The following DOK6 variants were observed in gnomAD, a reference collection of about 807,000 sequenced individuals.
The protein encoded by DOK6 is downstream of tyrosine kinase 6.
DOK6 carries 22 observed loss-of-function variants against 44.0 expected under a neutral mutation model. The observed-to-expected ratio is 0.50, with a 90% CI of 0.36 to 0.71. The LOEUF is 0.71. Among genes scored for constraint, DOK6 ranks in the 30% least tolerant of loss-of-function variants. The probability of loss-of-function intolerance (pLI) is 0.00; values close to 1 mark genes in which losing one functional copy is unlikely to be tolerated. For missense variants in DOK6, 340 were observed against 416.4 expected, an observed-to-expected ratio of 0.82 and a Z score of 1.60; for synonymous variants, 166 against 145.5, an observed-to-expected ratio of 1.14 and a Z score of -1.01.
At chr18:69,433,817 A>C (rs1387794034) in intron 1 of DOK6, among the ~76,000 whole-genome samples, 1 of 152,234 alleles carries the variant, frequency 6.6e-6, no homozygotes, top group African/African-American at 2.4e-5. Flanking sequence ...AATAGAGAGC[A>C]CAAATATAGA....
intron 7 of DOK6, among the ~76,000 whole-genome samples, chr18:69,787,779 T>C (rs957497775): frequency 6.6e-6 from 1 of 152,206 alleles, no homozygotes; most frequent in Non-Finnish European, 1.5e-5. Context: ...TGTGCTTCTC[T>C]AGAGCCTGGG....
At chr18:69,555,516 T>A (rs1447805328) in intron 1 of DOK6, among the ~76,000 whole-genome samples, 1 of 152,232 alleles carries the variant, frequency 6.6e-6, no homozygotes, top group Non-Finnish European at 1.5e-5. Flanking sequence ...TTCCATTGTT[T>A]TGAAGTGCTC....
chr18:69,734,885 T>C (rs1978551026), intron 5 of DOK6, among the ~76,000 whole-genome samples: 1 of 152,128 alleles, frequency 6.6e-6, no homozygotes, highest in African/African-American at 2.4e-5. Context: ...AAGAGTGGCA[T>C]TTCAAAGTCA....
chr18:69,564,663 G>T, intron 2 of DOK6, 69 bp downstream of exon 2: 1 of 1,279,964 alleles, frequency 7.8e-7, no homozygotes, highest in Non-Finnish European at 1.1e-6. Flanking sequence ...ATATTTCTTT[G>T]ATAAATGAAA....
chr18:69,617,606 A>C (rs1230237039), intron 3 of DOK6, among the ~76,000 whole-genome samples: 4 of 149,960 alleles, frequency 2.7e-5, no homozygotes, highest in Admixed American at 2.7e-4. Flanking sequence ...AGACTGAGCG[A>C]TAGGAGAAAA....
chr18:69,415,817 G>A (rs555013215), intron 1 of DOK6, among the ~76,000 whole-genome samples: 94 of 152,086 alleles, frequency 6.2e-4, no homozygotes, highest in African/African-American at 2.1e-3. Context: ...TCAACCTTAC[G>A]ATTCATATAT....
At chr18:69,527,884 C>T (rs900797507) in intron 1 of DOK6, among the ~76,000 whole-genome samples, 37 of 152,064 alleles carry the variant, frequency 2.4e-4, no homozygotes, top group Middle Eastern at 3.4e-3. Context: ...TTCACCTGGC[C>T]GGGTGCGGTG....
Position 69,512,137 on chromosome 18 carries a change from G to A in DOK6, c.67-52350G>A, listed in dbSNP as rs748092324. On this transcript the variant is annotated intron_variant, in intron 1 of 7. Transcript: ENST00000382713. ...TAGGTTTAAAATATATTTTATTTTTGTGGAAATTATATTCCATATTTGCAG... is the reference window on the plus strand; with the variant it reads ...TAGGTTTAAAATATATTTTATTTTTATGGAAATTATATTCCATATTTGCAG... 4.3e-5 allele frequency among the ~76,000 whole-genome samples: 6 copies of A among 140,338 alleles called. No homozygotes were observed. The Admixed American group carries it at 4.6e-4, about 11-fold the overall frequency. 92.1% of individuals were successfully genotyped at this position (140,338 alleles called of 152,430 possible).
At chr18:69,609,050 CAAG>C (rs1401109493) in intron 3 of DOK6, among the ~76,000 whole-genome samples, 3 of 151,490 alleles carry the variant, frequency 2.0e-5, no homozygotes, top group Non-Finnish European at 4.4e-5. Flanking sequence ...TGTAAAACTC[CAAG>C]AAGAAAACTT....
At chr18:69,783,252 A>G (rs1298869811) in intron 7 of DOK6, among the ~76,000 whole-genome samples, 2 of 152,242 alleles carry the variant, frequency 1.3e-5, no homozygotes, top group Non-Finnish European at 2.9e-5. Context: ...AACCATTGCC[A>G]CACATGGCTG....
intron 5 of DOK6, among the ~76,000 whole-genome samples, chr18:69,714,341 G>A (rs1027449952): frequency 2.0e-5 from 3 of 152,122 alleles, no homozygotes; most frequent in Admixed American, 6.5e-5. Flanking sequence ...CACACCCGAA[G>A]GCAGAAGCGG....
intron 5 of DOK6, among the ~76,000 whole-genome samples, chr18:69,704,247 C>T (rs1986583960): frequency 6.6e-6 from 1 of 152,166 alleles, no homozygotes; most frequent in African/African-American, 2.4e-5. Context: ...CACCCCACAT[C>T]TGCGAGGGGA....
At chr18:69,560,153 TC>T (rs1235855910) in intron 1 of DOK6, among the ~76,000 whole-genome samples, 8 of 152,144 alleles carry the variant, frequency 5.3e-5, no homozygotes, top group Non-Finnish European at 1.0e-4. Flanking sequence ...TCAAAGAGCA[TC>T]TTCATGAGGT....
At chr18:69,523,959 C>A (rs554363492) in intron 1 of DOK6, among the ~76,000 whole-genome samples, 38 of 152,060 alleles carry the variant, frequency 2.5e-4, no homozygotes, top group Admixed American at 7.2e-4. Flanking sequence ...TTTTCAAGTT[C>A]GTATTTTTAT....
intron 2 of DOK6, among the ~76,000 whole-genome samples, chr18:69,592,406 T>A (rs1387804655): frequency 2.6e-5 from 4 of 152,062 alleles, no homozygotes; most frequent in Non-Finnish European, 5.9e-5. Context: ...CCACTCCAAA[T>A]CAATTATGAA....
intron 3 of DOK6, among the ~76,000 whole-genome samples, chr18:69,666,444 T>A (rs916160149): frequency 1.3e-5 from 2 of 152,146 alleles, no homozygotes; most frequent in African/African-American, 4.8e-5. Flanking sequence ...TTATTTTTTT[T>A]TAAATTAGAC....
intron 3 of DOK6, among the ~76,000 whole-genome samples, chr18:69,620,782 C>T (rs978708667): frequency 2.0e-5 from 3 of 152,154 alleles, no homozygotes; most frequent in Non-Finnish European, 4.4e-5. Context: ...TTTCACAATC[C>T]TATTCATAAT....
chr18:69,505,108 C>T (rs1411890167), intron 1 of DOK6, among the ~76,000 whole-genome samples: 1 of 152,198 alleles, frequency 6.6e-6, no homozygotes, highest in Non-Finnish European at 1.5e-5. Context: ...AGTCCACAGT[C>T]ACATCCCGTC....
chr18:69,474,860 T>A (rs542107959), intron 1 of DOK6, among the ~76,000 whole-genome samples: 1 of 152,216 alleles, frequency 6.6e-6, no homozygotes, highest in South Asian at 2.1e-4. Flanking sequence ...CAGCCTGTGA[T>A]TTTAATTATC....
Sources: allele counts gnomAD v4.1 joint callset (sites outside exome capture counted in the v4.1 genomes callset), GRCh38; gene constraint gnomAD v4.1.1; transcripts MANE v1.5; gene names NCBI Gene and HGNC (gene_info 2026-07-23, HGNC 2026-07-21).